LIMS1: variants seen among roughly 807,000 people sequenced by gnomAD.
LIMS1 encodes the protein LIM and senescent cell antigen-like-containing domain protein 1.
LIMS1 carries 18 observed loss-of-function variants against 44.1 expected under a neutral mutation model. The observed-to-expected ratio is 0.41, with a 90% CI of 0.28 to 0.61. LIMS1 has a LOEUF of 0.61. Among genes scored for constraint, LIMS1 ranks in the 20% least tolerant of loss-of-function variants. The probability of loss-of-function intolerance (pLI) is 0.32; values close to 1 mark genes in which losing one functional copy is unlikely to be tolerated. For synonymous variants in LIMS1, 93 were observed against 149.1 expected (o/e 0.62, Z 2.74); for missense variants, 201 against 422.0 (o/e 0.48, Z 4.59).
intron 1 of LIMS1, among the ~76,000 whole-genome samples, chr2:108,654,521 A>C (rs1255232015): frequency 6.6e-6 from 1 of 152,076 alleles, no homozygotes; most frequent in East Asian, 1.9e-4. Context: ...CCCATCAGGC[A>C]TAGCTGGCAG....
intron 1 of LIMS1, among the ~76,000 whole-genome samples, chr2:108,608,431 G>A (rs946243975): frequency 1.3e-5 from 2 of 151,212 alleles, no homozygotes; most frequent in Non-Finnish European, 2.9e-5. Flanking sequence ...TCAGCCTCCC[G>A]AGTAGCTGGG....
chr2:108,584,729 C>A (rs1169460213), intron 1 of LIMS1, among the ~76,000 whole-genome samples: 9 of 152,094 alleles, frequency 5.9e-5, no homozygotes, highest in Admixed American at 5.2e-4. Flanking sequence ...AAGGGAAGCC[C>A]TTCCCAGCCG....
At chr2:108,555,802 T>C (rs190916380) in intron 1 of LIMS1, among the ~76,000 whole-genome samples, 81 of 152,344 alleles carry the variant, frequency 5.3e-4, no homozygotes, top group Admixed American at 2.8e-3. Context: ...CAGGCTGCAG[T>C]TGGCTGGCTG....
chr2:108,606,238 G>A (rs779124835), intron 1 of LIMS1, among the ~76,000 whole-genome samples: 4 of 152,228 alleles, frequency 2.6e-5, no homozygotes, highest in Non-Finnish European at 5.9e-5. Context: ...GGTTTTACAC[G>A]TCAGTTCTAA....
chr2:108,555,713 G>C (rs1684903993), intron 1 of LIMS1, among the ~76,000 whole-genome samples: 1 of 152,360 alleles, frequency 6.6e-6, no homozygotes, highest in African/African-American at 2.4e-5. Flanking sequence ...TATAAGGGCA[G>C]AGAGTAGAAT....
intron 2 of LIMS1, among the ~76,000 whole-genome samples, chr2:108,667,985 A>T (rs1691901799): frequency 6.6e-6 from 1 of 151,898 alleles, no homozygotes; most frequent in African/African-American, 2.4e-5. Flanking sequence ...TCTTCCACAT[A>T]TTTTTTTATC....
chr2:108,562,527 C>A (rs555084809), intron 1 of LIMS1, among the ~76,000 whole-genome samples: 1 of 152,304 alleles, frequency 6.6e-6, no homozygotes, highest in East Asian at 1.9e-4. Context: ...TAAAACCAGC[C>A]ACAACATTCC....
At chr2:108,588,466 A>T (rs918406159) in intron 1 of LIMS1, 5 of 985,446 alleles carry the variant, frequency 5.1e-6, no homozygotes, top group Non-Finnish European at 6.0e-6. Context: ...GAGGTTCTTT[A>T]CTCTTGAATT....
chr2:108,620,886 A>G (rs1374086323), intron 1 of LIMS1, among the ~76,000 whole-genome samples: 1 of 152,044 alleles, frequency 6.6e-6, no homozygotes, highest in East Asian at 1.9e-4. Context: ...TAAGGAGCTC[A>G]CTATAACCAG....
chr2:108,624,753 T>C (rs1688463140), intron 1 of LIMS1, among the ~76,000 whole-genome samples: 1 of 150,598 alleles, frequency 6.6e-6, no homozygotes, highest in African/African-American at 2.5e-5. Context: ...CAAGACTATG[T>C]CTCTAAATAA....
intron 1 of LIMS1, among the ~76,000 whole-genome samples, chr2:108,548,668 C>G (rs1354174053): frequency 6.6e-6 from 1 of 152,176 alleles, no homozygotes; most frequent in Non-Finnish European, 1.5e-5. Flanking sequence ...CCATGCTCTC[C>G]CCACCAGCCC....
intron 1 of LIMS1, among the ~76,000 whole-genome samples, chr2:108,598,317 G>A (rs1400129759): frequency 6.6e-6 from 1 of 152,146 alleles, no homozygotes; most frequent in Admixed American, 6.5e-5. Flanking sequence ...ACGAATTTGT[G>A]TCACCTGGTA....
intron 1 of LIMS1, among the ~76,000 whole-genome samples, chr2:108,635,535 TA>T (rs1205728968): frequency 6.6e-6 from 1 of 151,170 alleles, no homozygotes; most frequent in Non-Finnish European, 1.5e-5. Context: ...ACCCCGTCTC[TA>T]CTAAAAATAC....
chr2:108,596,915 G>GTTTTTTT (rs34313967), intron 1 of LIMS1, among the ~76,000 whole-genome samples: 5 of 68,440 alleles, frequency 7.3e-5, no homozygotes, highest in Admixed American at 2.1e-4. Flanking sequence ...CGAAACATCT[G>GTTTTTTT]TTTTTTTTTT....
intron 1 of LIMS1, among the ~76,000 whole-genome samples, chr2:108,547,239 T>G (rs561415268): frequency 6.6e-6 from 1 of 152,298 alleles, no homozygotes; most frequent in Admixed American, 6.5e-5. Context: ...TGGTGGATAG[T>G]CAGGCAGGAC....
chr2:108,616,858 CAAAT>C (rs1366570935), intron 1 of LIMS1, among the ~76,000 whole-genome samples: 1 of 152,028 alleles, frequency 6.6e-6, no homozygotes, highest in Non-Finnish European at 1.5e-5. Context: ...GCTTGGCTGG[CAAAT>C]AAATGTTTGC....
chr2:108,572,599 G>A (rs1249003503), intron 1 of LIMS1, among the ~76,000 whole-genome samples: 1 of 151,818 alleles, frequency 6.6e-6, no homozygotes, highest in Non-Finnish European at 1.5e-5. Context: ...TTGGCCAGGT[G>A]GGTCTCGAAC....
At chr2:108,686,804 A>G (rs1693337203) in exon 10 of LIMS1, 1 of 151,866 alleles carries the variant, frequency 6.6e-6, no homozygotes, top group Middle Eastern at 3.4e-3. Context: ...TAAGTGGATT[A>G]AAAGAGAAAC....
intron 2 of LIMS1, among the ~76,000 whole-genome samples, chr2:108,667,520 T>TACA (rs1553469822): frequency 7.4e-6 from 1 of 135,728 alleles, no homozygotes; most frequent in East Asian, 2.0e-4. Flanking sequence ...ATACAGTGAT[T>TACA]ATATTTTCAA....
Sources: gnomAD v4.1 joint callset for allele counts (sites outside exome capture counted in the v4.1 genomes callset) on GRCh38, gnomAD v4.1.1 for gene constraint, MANE v1.5 for transcripts, NCBI Gene and HGNC (gene_info 2026-07-23, HGNC 2026-07-21) for gene names.